Variants in LNPEP observed in about 807,000 individuals in gnomAD.
LNPEP encodes leucyl and cystinyl aminopeptidase.
Under a neutral mutation model 120.6 loss-of-function variants are expected in LNPEP, and 64 were observed. The ratio of observed to expected loss-of-function variants is 0.53; its 90% CI spans 0.43 to 0.65. LNPEP has a LOEUF of 0.65. LNPEP is among the 30% of genes least tolerant of loss of function. The pLI, the probability that LNPEP is intolerant of heterozygous loss-of-function variation, is 0.00. For missense variants in LNPEP, 1,057 were observed against 1,200.0 expected (o/e 0.88, Z 1.76); for synonymous variants, 435 against 425.4 (o/e 1.02, Z -0.28).
intron 6 of LNPEP, 101 bp downstream of exon 6, chr5:96,994,072 G>C: frequency 1.1e-6 from 1 of 892,790 alleles, no homozygotes; most frequent in Non-Finnish European, 1.7e-6. Context: ...TTTTTTTTAA[G>C]CATTGCCTTC....
chr5:96,985,393 CCTTGAGGAGGA>C (rs1482392402), intron 3 of LNPEP, among the ~76,000 whole-genome samples, 175 bp downstream of exon 3: 1 of 152,076 alleles, frequency 6.6e-6, no homozygotes, highest in Non-Finnish European at 1.5e-5. Flanking sequence ...TGGGAAGTCA[CCTTGAGGAGGA>C]CTTGAGGAAA....
intron 1 of LNPEP, among the ~76,000 whole-genome samples, chr5:96,957,807 C>T (rs1242428229): frequency 5.3e-5 from 8 of 152,118 alleles, no homozygotes; most frequent in Non-Finnish European, 8.8e-5. Flanking sequence ...TGTTTTAAGC[C>T]GTCAAGCTTG....
intron 11 of LNPEP, among the ~76,000 whole-genome samples, chr5:97,008,667 T>TTTC (rs1174316222): frequency 4.4e-5 from 6 of 137,516 alleles, no homozygotes; most frequent in Non-Finnish European, 9.5e-5. Flanking sequence ...TTACTCTTTT[T>TTTC]TTTTTTTTTT....
At chr5:96,991,806 A>T (rs1182535623) in intron 4 of LNPEP, among the ~76,000 whole-genome samples, 1 of 151,224 alleles carries the variant, frequency 6.6e-6, no homozygotes, top group Non-Finnish European at 1.5e-5. Flanking sequence ...TCCCCACTTT[A>T]TGTTTTTGCT....
chr5:96,964,199 G>A (rs1581988857), intron 1 of LNPEP, among the ~76,000 whole-genome samples: 1 of 151,052 alleles, frequency 6.6e-6, no homozygotes, highest in South Asian at 2.1e-4. Context: ...AGATTGTATC[G>A]TGATATCCTT....
chr5:97,034,604 G>A lies in LNPEP; in HGVS notation c.*6071G>A, dbSNP rs903726643. ...GTAAATATTCTTTGCCTTCCTCAGA[G>A]CCTGTATACACAAGCAAGTAGTATG... On this transcript the variant is annotated 3_prime_UTR_variant, in exon 18 of 18. Transcript: ENST00000231368. 1.3e-5 allele frequency: 2 copies of A among 151,952 alleles called. No individual in the cohort carries two copies. Among genetic ancestry groups the A allele is most frequent in the African/African-American group, 4.8e-5 (2 of 41,352 alleles). 9.4% of individuals were successfully genotyped at this position (151,952 alleles called of 1,614,324 possible). A position where few individuals can be genotyped will look rare whatever the true frequency, so the allele number is the denominator to read the frequency against.
At chr5:97,007,302 C>G (rs1208740272) in intron 11 of LNPEP, among the ~76,000 whole-genome samples, 1 of 152,074 alleles carries the variant, frequency 6.6e-6, no homozygotes, top group African/African-American at 2.4e-5. Context: ...GAGAATGAGA[C>G]TTTAGAGACT....
At chr5:96,940,179 C>A (rs1039877271) in intron 1 of LNPEP, among the ~76,000 whole-genome samples, 2 of 152,058 alleles carry the variant, frequency 1.3e-5, no homozygotes, top group African/African-American at 2.4e-5. Flanking sequence ...TAGAAAAGTT[C>A]TTTGCTATTA....
chr5:96,986,538 G>T lies in LNPEP; in HGVS notation c.1000-1G>T. ...AACTGTCTTTTCCCCTTTGCTTGTA[G>T]AAGTCATCAGTCGTTCTAGATGATG... On this transcript the variant is annotated splice_acceptor_variant, in intron 3 of 17. Coordinates refer to ENST00000231368, the MANE Select transcript of LNPEP (RefSeq NM_005575.3). LOFTEE classifies it high-confidence loss of function. The T allele has an allele frequency of 6.2e-7, 1 of 1,611,872 alleles. No homozygotes were observed. The highest frequency in any genetic ancestry group is 8.5e-7 in the Non-Finnish European group (1 of 1,178,654).
At chr5:97,023,797 A>T (rs1791272084) in intron 14 of LNPEP, among the ~76,000 whole-genome samples, 4 of 152,102 alleles carry the variant, frequency 2.6e-5, no homozygotes, top group Admixed American at 2.0e-4. Context: ...TTTTTTGAGG[A>T]ACTGCCATAT....
At chr5:96,987,045 G>A (rs960751874) in intron 4 of LNPEP, among the ~76,000 whole-genome samples, 1 of 152,112 alleles carries the variant, frequency 6.6e-6, no homozygotes, top group Admixed American at 6.5e-5. Flanking sequence ...CATATTTCAA[G>A]TGTTCAGCAG....
intron 1 of LNPEP, among the ~76,000 whole-genome samples, chr5:96,971,390 T>A (rs1789860046): frequency 6.6e-6 from 1 of 151,482 alleles, no homozygotes; most frequent in Non-Finnish European, 1.5e-5. Flanking sequence ...TGTGTATTTA[T>A]CTTTTTGGGG....
intron 1 of LNPEP, among the ~76,000 whole-genome samples, chr5:96,949,477 T>C (rs1217977704): frequency 1.3e-5 from 2 of 152,204 alleles, no homozygotes; most frequent in Non-Finnish European, 2.9e-5. Flanking sequence ...TTCATGCTCT[T>C]GCCTCTGTCA....
In LNPEP at chr5:97,033,681, G is replaced by A. The variant is rs946496657; in HGVS notation, c.*5148G>A. 3.3e-5 allele frequency: 5 copies of A among 152,142 alleles called. No individual in the cohort carries two copies. Among genetic ancestry groups the A allele is most frequent in the African/African-American group, 1.2e-4 (5 of 41,424 alleles). The allele number at this position is 152,142 out of a possible 1,614,324, so 9.4% of individuals were successfully genotyped here. A position where few individuals can be genotyped will look rare whatever the true frequency, so the allele number is the denominator to read the frequency against. The stretch of plus-strand genomic sequence containing the variant: ...GCTCTCCTCTTCTGCCCTTCCCTTA[G>A]ATTGTCTGTGTGGGCAGGTGTCTAA... On this transcript the variant is annotated 3_prime_UTR_variant, in exon 18 of 18. Coordinates refer to ENST00000231368, the MANE Select transcript of LNPEP (RefSeq NM_005575.3).
At chr5:97,009,340 C>T (rs901056534) in intron 11 of LNPEP, among the ~76,000 whole-genome samples, 5 of 135,340 alleles carry the variant, frequency 3.7e-5, no homozygotes, top group Middle Eastern at 4.0e-3. Context: ...ACTGTTCACT[C>T]ATATCTATCC....
chr5:96,963,739 AAG>A (rs2112584535), intron 1 of LNPEP, among the ~76,000 whole-genome samples: 1 of 152,304 alleles, frequency 6.6e-6, no homozygotes, highest in South Asian at 2.1e-4. Flanking sequence ...CTTTTTAAAA[AAG>A]AATGTTTTGT....
At chr5:96,994,699 T>A (rs1189775792) in intron 6 of LNPEP, among the ~76,000 whole-genome samples, 1 of 152,186 alleles carries the variant, frequency 6.6e-6, no homozygotes, top group Non-Finnish European at 1.5e-5. Context: ...AGTGGCAGGA[T>A]ATGAATAGGA....
At chr5:96,972,882 A>G (rs1260967800) in intron 1 of LNPEP, among the ~76,000 whole-genome samples, 1 of 152,092 alleles carries the variant, frequency 6.6e-6, no homozygotes, top group Non-Finnish European at 1.5e-5. Context: ...AAGGGAGACA[A>G]AGTCAGGGTG....
Position 96,998,002 on chromosome 5 carries a change from AT to A in LNPEP, c.1522-6del. The A allele has an allele frequency of 2.6e-6, 4 of 1,530,832 alleles. No individual in the cohort carries two copies. The highest frequency in any genetic ancestry group is 2.4e-5 in the South Asian group (2 of 83,690). 94.8% of individuals were successfully genotyped at this position (1,530,832 alleles called of 1,614,324 possible). ...CTACTTGTGATATTCTAATCTTTTC[AT>A]TTTTTGACAGTATGAAGATTTCTTA... On this transcript the variant is annotated splice_polypyrimidine_tract_variant and intron_variant, in intron 7 of 17. Coordinates refer to ENST00000231368, the MANE Select transcript of LNPEP (RefSeq NM_005575.3).
Sources: gnomAD v4.1 joint callset for allele counts (sites outside exome capture counted in the v4.1 genomes callset) on GRCh38, gnomAD v4.1.1 for gene constraint, MANE v1.5 for transcripts, NCBI Gene and HGNC (gene_info 2026-07-23, HGNC 2026-07-21) for gene names.